Variants in PSD4 observed in about 807,000 individuals in gnomAD.
The protein encoded by PSD4 is PH and SEC7 domain-containing protein 4.
Under a neutral mutation model 112.5 loss-of-function variants are expected in PSD4, and 59 were observed. That is an observed-to-expected ratio of 0.52 (90% CI 0.43 to 0.65). The LOEUF (loss-of-function observed/expected upper bound fraction) is 0.65, where lower values mean the gene tolerates loss of function less well. Ranked by LOEUF, PSD4 falls within the 30% of genes least tolerant of loss-of-function variation. The pLI, the probability that PSD4 is intolerant of heterozygous loss-of-function variation, is 0.00. For missense variants in PSD4, 1,267 were observed against 1,352.6 expected (o/e 0.94, Z 0.99); for synonymous variants, 533 against 540.0 (o/e 0.99, Z 0.18).
At chr2:113,177,436 C>T (rs1296397707) in intron 1 of PSD4, among the ~76,000 whole-genome samples, 3 of 152,264 alleles carry the variant, frequency 2.0e-5, no homozygotes, top group South Asian at 2.1e-4. Context: ...GTCAAGGAGG[C>T]GCTGTACAGG....
At position 113,199,118 on chromosome 2, in the gene PSD4, C is replaced by G; in HGVS notation, c.2805C>G (p.Asp935Glu). 1.3e-6 allele frequency: 2 copies of G among 1,531,552 alleles called. No homozygotes were observed. The highest frequency in any genetic ancestry group is 2.4e-5 in the South Asian group (2 of 82,752). 94.9% of individuals were successfully genotyped at this position (1,531,552 alleles called of 1,614,324 possible). ...EQHRSHENCLDAAADDLLDLQ... is the reference protein window; with the variant it reads ...EQHRSHENCLEAAADDLLDLQ... ...ATCGATCCCACGAGAACTGCCTGGA[C>G]GCTGCCGCGGACGACCTGCTGGATC... Residue 935 changes from aspartate to glutamate, a missense_variant, in exon 16 of 17, where the codon GAC becomes GAG. Coordinates refer to ENST00000245796, the MANE Select transcript of PSD4 (RefSeq NM_012455.3).
chr2:113,175,234 C>G (rs12711763), intron 1 of PSD4: 11,584 of 152,904 alleles, frequency 0.076, 627 homozygotes, highest in African/African-American at 0.15. Flanking sequence ...TCTGTCCCTA[C>G]CCCCGTGATC....
Position 113,201,609 on chromosome 2 carries a change from C to A in PSD4, c.*194C>A. ...AGCTTTCCTAATATTGCTGTGCTCC[C>A]CACCACCCCCATGGCAGTCCCTCCG... is the stretch of plus-strand genomic sequence containing the variant. On this transcript the variant is annotated 3_prime_UTR_variant, in exon 17 of 17. Coordinates refer to ENST00000245796, the MANE Select transcript of PSD4 (RefSeq NM_012455.3). 2.6e-6 allele frequency: 2 copies of A among 763,232 alleles called. No homozygotes were observed. Among genetic ancestry groups the A allele is most frequent in the Non-Finnish European group, 4.1e-6 (2 of 486,566 alleles). 47.3% of individuals were successfully genotyped at this position (763,232 alleles called of 1,614,324 possible). A position where few individuals can be genotyped will look rare whatever the true frequency, so the allele number is the denominator to read the frequency against.
chr2:113,197,872 G>A lies in PSD4; in HGVS notation c.2583G>A (p.Gln861=), dbSNP rs1688658148. Residue 861 remains glutamine (Q), a synonymous_variant, in exon 14 of 17, where the codon CAG becomes CAA. Transcript: ENST00000245796. ...THYTKKPHVF[Q]LRTADWRLYL... is the part of the protein sequence containing the mutation. ...ACACCAAGAAGCCGCACGTCTTCCA[G>A]CTGCGCACGGCTGACTGGCGCCTCT... 1 of 1,601,652 alleles carries A rather than the reference G, an allele frequency of 6.2e-7. No homozygotes were observed. The highest frequency in any genetic ancestry group is 1.1e-5 in the South Asian group (1 of 90,592).
intron 1 of PSD4, among the ~76,000 whole-genome samples, chr2:113,178,128 G>T (rs950939340): frequency 2.6e-5 from 4 of 152,210 alleles, no homozygotes; most frequent in African/African-American, 9.7e-5. Flanking sequence ...TGAGACAGGA[G>T]AATCGCTTGA....
At chr2:113,193,440 G>C in intron 8 of PSD4, 70 bp downstream of exon 8, 1 of 1,506,896 alleles carries the variant, frequency 6.6e-7, no homozygotes, top group Non-Finnish European at 9.2e-7. Flanking sequence ...TGGGAGTTCA[G>C]TAGGTGACAG....
chr2:113,188,269 G>A (rs1345148974), intron 5 of PSD4, among the ~76,000 whole-genome samples: 3 of 152,110 alleles, frequency 2.0e-5, no homozygotes, highest in Non-Finnish European at 2.9e-5. Flanking sequence ...TTGGGACAGA[G>A]TTTTGCTCTT....
chr2:113,205,803 C>T lies in PSD4; in HGVS notation c.*4388C>T, dbSNP rs923358215. 2 of 152,154 alleles carry T rather than the reference C, an allele frequency of 1.3e-5. No individual in the cohort carries two copies. Among genetic ancestry groups the T allele is most frequent in the Admixed American group, 6.5e-5 (1 of 15,280 alleles). The allele number at this position is 152,154 out of a possible 1,614,324, so 9.4% of individuals were successfully genotyped here. The stretch of plus-strand genomic sequence containing the variant: ...TCCCAGAACCTTGTGAAAACCTGGC[C>T]GTAGCAGGTCCTTTTTCCTCCTGCT... On this transcript the variant is annotated 3_prime_UTR_variant, in exon 17 of 17. Coordinates refer to ENST00000245796, the MANE Select transcript of PSD4 (RefSeq NM_012455.3).
Position 113,185,059 on chromosome 2 carries a change from C to G in PSD4, c.1159C>G (p.Pro387Ala). Residue 387 changes from proline to alanine, a missense_variant, in exon 3 of 17, where the codon CCT becomes GCT. This residue lies in a region of PSD4 where 723 missense variants were observed against 704.0 expected (regional missense o/e 1.03). Transcript: ENST00000245796. ...ATCTGATCTTGGCCCTGCTGCACAT[C>G]CTGTGCAACCTTGGGCAAGTCACTT... is the stretch of plus-strand genomic sequence containing the variant. ...VGSDLGPAAH[P>A]VQPWASLSPE... 1 of 1,614,222 alleles carries G rather than the reference C, an allele frequency of 6.2e-7. No homozygotes were observed. Among genetic ancestry groups the G allele is most frequent in the Middle Eastern group, 1.6e-4 (1 of 6,062 alleles).
intron 12 of PSD4, chr2:113,196,732 G>A (rs568277808): frequency 6.2e-6 from 1 of 160,122 alleles, no homozygotes; most frequent in South Asian, 1.9e-4. Flanking sequence ...CTGAACTTTG[G>A]AGGAGAAGAG....
chr2:113,199,233 G>C lies in PSD4; in HGVS notation c.2913+7G>C. The C allele has an allele frequency of 6.8e-7, 1 of 1,474,518 alleles. No homozygotes were observed. Among genetic ancestry groups the C allele is most frequent in the Non-Finnish European group, 8.9e-7 (1 of 1,118,350 alleles). The allele number at this position is 1,474,518 out of a possible 1,614,324, so 91.3% of individuals were successfully genotyped here. A position where few individuals can be genotyped will look rare whatever the true frequency, so the allele number is the denominator to read the frequency against. ...GGAGTACCTGGAGTACGAGGTGAGC[G>C]GCCGAGCCCACCTCCCCGCCGCTGC... On this transcript the variant is annotated splice_region_variant and intron_variant, in intron 16 of 16. Coordinates refer to ENST00000245796, the MANE Select transcript of PSD4 (RefSeq NM_012455.3).
At chr2:113,195,409 G>C (rs935160333) in intron 10 of PSD4, among the ~76,000 whole-genome samples, 1 of 152,078 alleles carries the variant, frequency 6.6e-6, no homozygotes, top group African/African-American at 2.4e-5. Context: ...TGATCCACCC[G>C]CCTCGGCCTC....
At chr2:113,177,997 C>CA (rs1161630223) in intron 1 of PSD4, among the ~76,000 whole-genome samples, 1 of 152,148 alleles carries the variant, frequency 6.6e-6, no homozygotes, top group African/African-American at 2.4e-5. Flanking sequence ...GTAGGTGGAT[C>CA]ACCTGAGGTC....
Position 113,183,015 on chromosome 2 carries a change from T to A in PSD4, c.559T>A (p.Cys187Ser). The A allele has an allele frequency of 1.2e-6, 2 of 1,614,060 alleles. No individual in the cohort carries two copies. The highest frequency in any genetic ancestry group is 2.2e-5 in the South Asian group (2 of 91,086). The stretch of plus-strand genomic sequence containing the variant: ...AGGGCTCAAGGCTGGGCTGAAATGC[T>A]GTCTCCCCACGCCCCCTGTGGACCT... ...TEGLKAGLKCCLPTPPVDLPG... is the reference protein window; with the variant it reads ...TEGLKAGLKCSLPTPPVDLPG... Residue 187 changes from cysteine (C) to serine (S), a missense_variant, in exon 2 of 17, where the codon TGT becomes AGT. By Grantham distance (112) the Cys-to-Ser change is moderately radical. Coordinates refer to ENST00000245796, the MANE Select transcript of PSD4 (RefSeq NM_012455.3).
In PSD4 at chr2:113,182,879, G is replaced by C. The variant is rs778911782; in HGVS notation, c.423G>C (p.Pro141=). The change falls in exon 2 of 17, where the codon CCG becomes CCC. Residue 141 remains proline, a synonymous_variant. Coordinates refer to ENST00000245796, the MANE Select transcript of PSD4 (RefSeq NM_012455.3). ...SPGSPVNSHL[P]GSPKQNRSTS... ...GGTCACCAGTGAACAGCCATCTACC[G>C]GGGAGCCCAAAGCAGAACCGGAGCA... The C allele has an allele frequency of 1.9e-6, 3 of 1,614,200 alleles. No homozygotes were observed. The highest frequency in any genetic ancestry group is 2.5e-6 in the Non-Finnish European group (3 of 1,180,024).
chr2:113,206,331 G>A lies in PSD4; in HGVS notation c.*4916G>A, dbSNP rs1178714325. 2 of 152,220 alleles carry A rather than the reference G, an allele frequency of 1.3e-5. No homozygotes were observed. Among genetic ancestry groups the A allele is most frequent in the Admixed American group, 6.5e-5 (1 of 15,276 alleles). The allele number at this position is 152,220 out of a possible 1,614,324, so 9.4% of individuals were successfully genotyped here. On this transcript the variant is annotated 3_prime_UTR_variant, in exon 17 of 17. Coordinates refer to ENST00000245796, the MANE Select transcript of PSD4 (RefSeq NM_012455.3). ...TCTAATTCACACCTTACAAATCGGCGTCCACCCCACCTTTGCCTGAAATGG... is the reference window on the plus strand; with the variant it reads ...TCTAATTCACACCTTACAAATCGGCATCCACCCCACCTTTGCCTGAAATGG...
chr2:113,192,396 C>G lies in PSD4; in HGVS notation c.1645C>G (p.Pro549Ala). ...TSAEHENLRT[P>A]MNSSWLPGSP... The stretch of plus-strand genomic sequence containing the variant: ...TATCTCAAGTGAGAATCTGAGGACA[C>G]CGATGAACTCTTCTTGGCTTCCTGG... Residue 549 changes from proline to alanine, a missense_variant, in exon 6 of 17, where the codon CCG becomes GCG. Around this residue, in one of 2 missense-constraint regions of PSD4, gnomAD observed 723 missense variants for 704.0 expected, o/e 1.03. Transcript: ENST00000245796. The G allele has an allele frequency of 6.2e-7, 1 of 1,614,156 alleles. No homozygotes were observed. Among genetic ancestry groups the G allele is most frequent in the Non-Finnish European group, 8.5e-7 (1 of 1,180,006 alleles).
In PSD4 at chr2:113,201,211, C is replaced by G. The variant is rs962981403; in HGVS notation, c.2967C>G (p.Pro989=). The G allele has an allele frequency of 1.6e-5, 26 of 1,613,992 alleles. No homozygotes were observed. Among genetic ancestry groups the G allele is most frequent in the Non-Finnish European group, 2.1e-5 (25 of 1,180,018 alleles). The part of the protein sequence containing the change: ...VQLLVARLHC[P]SDALDLWEEQ... ...TGCTGGTGGCCCGCCTGCACTGCCCCTCTGATGCTCTGGACCTGTGGGAGG... is the reference window on the plus strand; with the variant it reads ...TGCTGGTGGCCCGCCTGCACTGCCCGTCTGATGCTCTGGACCTGTGGGAGG... The change falls in exon 17 of 17, where the codon CCC becomes CCG. Residue 989 remains proline (P), a synonymous_variant. Transcript: ENST00000245796.
rs1206659884 is a variant in PSD4, at chr2:113,182,553, C to T, written c.97C>T (p.Pro33Ser). ...CCTGGAGCCCCACCCAGGAGAGTGC[C>T]CAAGGGAAACGTGCAGCCATGAGGA... ...DSLEPHPGEC[P>S]RETCSHEDPP... Residue 33 changes from proline to serine, a missense_variant, in exon 2 of 17, where the codon CCA becomes TCA. Coordinates refer to ENST00000245796, the MANE Select transcript of PSD4 (RefSeq NM_012455.3). The T allele has an allele frequency of 3.1e-6, 5 of 1,614,174 alleles. No homozygotes were observed. The highest frequency in any genetic ancestry group is 4.2e-6 in the Non-Finnish European group (5 of 1,180,028).
Sources: gnomAD v4.1 joint callset for allele counts (sites outside exome capture counted in the v4.1 genomes callset) on GRCh38, gnomAD v4.1.1 for gene constraint, gnomAD v4.1.1 regional missense constraint, MANE v1.5 for transcripts, NCBI Gene and HGNC (gene_info 2026-07-23, HGNC 2026-07-21) for gene names.